TSPAN9: variants seen among roughly 807,000 people sequenced by gnomAD.
The protein encoded by TSPAN9 is tetraspanin-9.
In TSPAN9, 16 loss-of-function variants were observed where a neutral mutation model predicts 31.0. The ratio of observed to expected loss-of-function variants is 0.52; its 90% CI spans 0.35 to 0.78. The LOEUF (loss-of-function observed/expected upper bound fraction) is 0.78, where lower values mean the gene tolerates loss of function less well. TSPAN9 is among the 30% of genes least tolerant of loss of function. The probability of loss-of-function intolerance (pLI) is 0.01; values close to 1 mark genes in which losing one functional copy is unlikely to be tolerated. For missense variants in TSPAN9, 272 were observed against 312.5 expected, an observed-to-expected ratio of 0.87 and a Z score of 0.98; for synonymous variants, 145 against 121.6, an observed-to-expected ratio of 1.19 and a Z score of -1.27.
chr12:3,118,256 G>GTTTTTTTTTTTGTTT, intron 2 of TSPAN9, among the ~76,000 whole-genome samples: 1 of 31,582 alleles, frequency 3.2e-5, no homozygotes, highest in Non-Finnish European at 6.4e-5. Context: ...TGCACCCGCC[G>GTTTTTTTTTTTGTTT]TTTTTTTTTT....
intron 2 of TSPAN9, among the ~76,000 whole-genome samples, chr12:3,122,073 C>T (rs746580212): frequency 6.6e-6 from 1 of 152,124 alleles, no homozygotes; most frequent in Non-Finnish European, 1.5e-5. Flanking sequence ...GCGTGGCTCA[C>T]GCCTGTAATC....
rs575982234 is a variant in TSPAN9, at chr12:3,274,236, G to A, written c.64-4185G>A. Among the ~76,000 whole-genome samples, 4 of 152,302 alleles carry A rather than the reference G, an allele frequency of 2.6e-5. No individual in the cohort carries two copies. The East Asian group carries it at 7.7e-4, about 29-fold the overall frequency. On this transcript the variant is annotated intron_variant, in intron 3 of 8. Transcript: ENST00000011898. ...CACATGTTCCCTGGGGAGCAGAATT[G>A]CTCCTGATTGGGAACCACTGGGCTG...
chr12:3,199,725 G>T (rs1293957840), intron 2 of TSPAN9, among the ~76,000 whole-genome samples: 6 of 152,150 alleles, frequency 3.9e-5, no homozygotes, highest in African/African-American at 1.4e-4. Context: ...TTGTGTGCGC[G>T]CCCGTGCGTG....
At chr12:3,270,745 C>G (rs944338350) in intron 3 of TSPAN9, among the ~76,000 whole-genome samples, 1 of 152,228 alleles carries the variant, frequency 6.6e-6, no homozygotes, top group African/African-American at 2.4e-5. Context: ...AGGGGCTGTC[C>G]CCAAAGTCTC....
intron 2 of TSPAN9, among the ~76,000 whole-genome samples, chr12:3,154,769 C>T (rs1240370423): frequency 3.3e-5 from 5 of 152,230 alleles, no homozygotes; most frequent in Admixed American, 3.3e-4. Flanking sequence ...GTCCTGTGAG[C>T]ATCTGCACTC....
chr12:3,177,388 C>T (rs1156667788), intron 2 of TSPAN9, among the ~76,000 whole-genome samples: 7 of 151,316 alleles, frequency 4.6e-5, no homozygotes, highest in African/African-American at 1.7e-4. Context: ...CTGTCCGCCT[C>T]GGCCTCCCCA....
At chr12:3,103,031 C>G (rs1035979647) in intron 2 of TSPAN9, among the ~76,000 whole-genome samples, 1 of 152,194 alleles carries the variant, frequency 6.6e-6, no homozygotes, top group African/African-American at 2.4e-5. Flanking sequence ...TGTTCTGCCT[C>G]CTAGTTTCCA....
intron 2 of TSPAN9, among the ~76,000 whole-genome samples, chr12:3,104,029 G>A (rs2098313048): frequency 6.6e-6 from 1 of 152,192 alleles, no homozygotes; most frequent in Non-Finnish European, 1.5e-5. Flanking sequence ...CATTTCAGGA[G>A]AGACTGGAAG....
At chr12:3,114,757 C>T (rs201996279) in intron 2 of TSPAN9, among the ~76,000 whole-genome samples, 2 of 150,812 alleles carry the variant, frequency 1.3e-5, no homozygotes, top group Admixed American at 6.7e-5. Flanking sequence ...GCAGGAGAAT[C>T]GCTTGAACCC....
intron 2 of TSPAN9, among the ~76,000 whole-genome samples, chr12:3,099,314 T>A (rs1161784374): frequency 6.6e-6 from 1 of 152,202 alleles, no homozygotes; most frequent in African/African-American, 2.4e-5. Context: ...TGTTCAATAA[T>A]TCCCTCTGGT....
chr12:3,133,697 T>TGGAG (rs1206950010), intron 2 of TSPAN9, among the ~76,000 whole-genome samples: 1 of 152,200 alleles, frequency 6.6e-6, no homozygotes, highest in African/African-American at 2.4e-5. Flanking sequence ...CAGGTGGCTC[T>TGGAG]GCTCAACTCT....
intron 2 of TSPAN9, among the ~76,000 whole-genome samples, chr12:3,095,754 C>G (rs1381488365): frequency 6.7e-6 from 1 of 148,690 alleles, no homozygotes; most frequent in East Asian, 2.0e-4. Context: ...CGGGCAGAGA[C>G]GCTCCTCACT....
intron 2 of TSPAN9, among the ~76,000 whole-genome samples, chr12:3,177,934 T>C (rs1393136096): frequency 6.6e-6 from 1 of 152,164 alleles, no homozygotes; most frequent in Non-Finnish European, 1.5e-5. Context: ...TCCTGTCGGC[T>C]GTGTCTGGGC....
At chr12:3,157,231 C>T (rs902731859) in intron 2 of TSPAN9, among the ~76,000 whole-genome samples, 3 of 152,190 alleles carry the variant, frequency 2.0e-5, no homozygotes, top group Admixed American at 1.3e-4. Context: ...TCCCGAGTAG[C>T]TGGGACTACG....
intron 2 of TSPAN9, among the ~76,000 whole-genome samples, chr12:3,146,641 G>C (rs753990253): frequency 2.0e-4 from 30 of 152,138 alleles, no homozygotes; most frequent in Non-Finnish European, 4.1e-4. Flanking sequence ...TTACTTTTCT[G>C]CTGCCTCCAC....
chr12:3,208,510 G>A (rs1403783775), intron 3 of TSPAN9, among the ~76,000 whole-genome samples: 1 of 152,166 alleles, frequency 6.6e-6, no homozygotes, highest in Non-Finnish European at 1.5e-5. Context: ...CAGCCAGCTG[G>A]GCTGGTGGTC....
chr12:3,281,231 T>C lies in TSPAN9; in HGVS notation c.466T>C (p.Trp156Arg). ...CTGTGGTGTCACTGACTACACAGAC[T>C]GGTACCCAGTGCTGGGGGAGAACAC... ...RCCGVTDYTDWYPVLGENTVP... is the reference protein window; with the variant it reads ...RCCGVTDYTDRYPVLGENTVP... Residue 156 changes from tryptophan to arginine, a missense_variant, in exon 7 of 9, where the codon TGG becomes CGG. By Grantham distance (101) the Trp-to-Arg change is moderately radical (BLOSUM62 -3). Coordinates refer to ENST00000011898, the MANE Select transcript of TSPAN9 (RefSeq NM_006675.5). 1 of 1,551,364 alleles carries C rather than the reference T, an allele frequency of 6.4e-7. No individual in the cohort carries two copies. Among genetic ancestry groups the C allele is most frequent in the South Asian group, 1.2e-5 (1 of 84,064 alleles).
intron 2 of TSPAN9, among the ~76,000 whole-genome samples, chr12:3,141,795 C>T (rs2098334989): frequency 6.6e-6 from 1 of 152,180 alleles, no homozygotes; most frequent in African/African-American, 2.4e-5. Flanking sequence ...CCCACCAAGC[C>T]TGGCCCAGAC....
rs550891887 is a variant in TSPAN9 at position 3,285,095 on chromosome 12, A to G, written c.*1979A>G. On this transcript the variant is annotated 3_prime_UTR_variant, in exon 9 of 9. Transcript: ENST00000011898. ...TGTGGGGGAGGCCCACATTTGAGCA[A>G]AGCTGCCCTGCCCTTGTCCCCTGGC... 2 of 152,282 alleles carry G rather than the reference A, an allele frequency of 1.3e-5. No individual in the cohort carries two copies. Among genetic ancestry groups the G allele is most frequent in the South Asian group, 4.2e-4 (2 of 4,816 alleles). The allele number at this position is 152,282 out of a possible 1,614,324, so 9.4% of individuals were successfully genotyped here.
Sources: gnomAD v4.1 joint callset for allele counts (sites outside exome capture counted in the v4.1 genomes callset) on GRCh38, gnomAD v4.1.1 for gene constraint, MANE v1.5 for transcripts, NCBI Gene and HGNC (gene_info 2026-07-23, HGNC 2026-07-21) for gene names.